Variants in QRFPR observed in about 807,000 individuals in gnomAD.
QRFPR encodes the protein pyroglutamylated RFamide peptide receptor, also known as pyroglutamylated RF-amide peptide receptor.
In QRFPR, 37 loss-of-function variants were observed where a neutral mutation model predicts 31.3. That is an observed-to-expected ratio of 1.18 (90% confidence interval 0.91 to 1.56). The LOEUF is 1.56. Among genes scored for constraint, QRFPR ranks in the 40% most tolerant of loss-of-function variants. The pLI is 0.00. For missense variants in QRFPR, 542 were observed against 532.5 expected, an observed-to-expected ratio of 1.02 and a Z score of -0.18; for synonymous variants, 197 against 192.0, an observed-to-expected ratio of 1.03 and a Z score of -0.22.
chr4:121,358,951 G>A (rs1044533533), intron 1 of QRFPR, among the ~76,000 whole-genome samples: 3 of 152,066 alleles, frequency 2.0e-5, no homozygotes, highest in Admixed American at 1.3e-4. Context: ...GCTTGTATGA[G>A]GGATAAATGA....
At chr4:121,373,264 T>A (rs928575978) in intron 1 of QRFPR, among the ~76,000 whole-genome samples, 15 of 152,230 alleles carry the variant, frequency 9.9e-5, no homozygotes, top group Admixed American at 9.8e-4. Flanking sequence ...AAACTGTTCT[T>A]GTCCTAAGTA....
In QRFPR at chr4:121,365,565, T is replaced by TATTA. The variant is rs1424163522; in HGVS notation, c.340+14742_340+14743insTAAT. 6.6e-4 allele frequency among the ~76,000 whole-genome samples: 11 copies of TATTA among 16,672 alleles called. No homozygotes were observed. The East Asian group carries it at 9.2e-3, about 14-fold the overall frequency. The allele number at this position is 16,672 out of a possible 152,430, so 10.9% of individuals were successfully genotyped here. On this transcript the variant is annotated intron_variant, in intron 1 of 5. Coordinates refer to ENST00000394427, the MANE Select transcript of QRFPR (RefSeq NM_198179.3). ...TATTATATATAATATATAATATATATTATATATAATATATATTATATATAT... is the reference window on the plus strand; with the variant it reads ...TATTATATATAATATATAATATATATATTATATATATAATATATATTATATATAT...
chr4:121,358,018 C>T (rs1039870187), intron 1 of QRFPR, among the ~76,000 whole-genome samples: 1 of 152,142 alleles, frequency 6.6e-6, no homozygotes, highest in African/African-American at 2.4e-5. Context: ...ACCTCCTCTT[C>T]CTAGAAGGAG....
chr4:121,336,448 G>A (rs1366415073), intron 3 of QRFPR, among the ~76,000 whole-genome samples: 1 of 152,042 alleles, frequency 6.6e-6, no homozygotes, highest in East Asian at 1.9e-4. Flanking sequence ...TTTTTTTTAC[G>A]TGACTTAAAA....
chr4:121,379,277 C>T (rs749276961), intron 1 of QRFPR, among the ~76,000 whole-genome samples: 2 of 152,190 alleles, frequency 1.3e-5, no homozygotes, highest in Non-Finnish European at 1.5e-5. Context: ...GCAATGCTCA[C>T]GATCTCAAAT....
chr4:121,355,182 A>T (rs1324198113), intron 1 of QRFPR, among the ~76,000 whole-genome samples: 1 of 152,096 alleles, frequency 6.6e-6, no homozygotes, highest in African/African-American at 2.4e-5. Flanking sequence ...AGAATTCAGC[A>T]GTAAAGCCAT....
At chr4:121,352,854 C>A (rs1463381212) in intron 1 of QRFPR, among the ~76,000 whole-genome samples, 1 of 151,982 alleles carries the variant, frequency 6.6e-6, no homozygotes, top group African/African-American at 2.4e-5. Context: ...CTTTAACCAT[C>A]CCCTCTTCAC....
intron 1 of QRFPR, chr4:121,369,629 G>A: frequency 6.2e-7 from 1 of 1,607,652 alleles, no homozygotes; most frequent in Non-Finnish European, 8.5e-7. Flanking sequence ...GGCCTGGGTG[G>A]CAAAACTTCC....
intron 1 of QRFPR, among the ~76,000 whole-genome samples, chr4:121,372,315 T>A (rs934027266): frequency 7.2e-5 from 11 of 152,190 alleles, no homozygotes; most frequent in African/African-American, 2.4e-4. Context: ...AAGGCCAAAC[T>A]GGCTAGAATC....
rs949259827 is a variant in QRFPR at position 121,336,720 on chromosome 4, T to C, written c.561+87A>G. The C allele has an allele frequency of 6.6e-6, 7 of 1,053,358 alleles. No individual in the cohort carries two copies. The African/African-American group carries it at 1.1e-4, about 16-fold the overall frequency. The allele number at this position is 1,053,358 out of a possible 1,614,324, so 65.3% of individuals were successfully genotyped here. A position where few individuals can be genotyped will look rare whatever the true frequency, so the allele number is the denominator to read the frequency against. ...CTGAGGTCATACAAATTTGCTGTATTGCTCCTGCAGGAAGGAAAATAATTA... is the reference window on the plus strand; with the variant it reads ...CTGAGGTCATACAAATTTGCTGTATCGCTCCTGCAGGAAGGAAAATAATTA... On this transcript the variant is annotated intron_variant, in intron 3 of 5. Coordinates refer to ENST00000394427, the MANE Select transcript of QRFPR (RefSeq NM_198179.3).
chr4:121,371,648 C>A (rs1726249043), intron 1 of QRFPR, among the ~76,000 whole-genome samples: 1 of 152,184 alleles, frequency 6.6e-6, no homozygotes, highest in Non-Finnish European at 1.5e-5. Context: ...CAGGGCTTGG[C>A]CTTATGGGAA....
chr4:121,380,772 CGCGCG>C lies in QRFPR; in HGVS notation c.-130_-126del. 1 of 864,034 alleles carries C rather than the reference CGCGCG, an allele frequency of 1.2e-6. No homozygotes were observed. Among genetic ancestry groups the C allele is most frequent in the East Asian group, 2.7e-5 (1 of 37,314 alleles). The allele number at this position is 864,034 out of a possible 1,614,324, so 53.5% of individuals were successfully genotyped here. A position where few individuals can be genotyped will look rare whatever the true frequency, so the allele number is the denominator to read the frequency against. Reference sequence around the variant, plus strand: ...TCCCTTCCTCTACTCTGGAGTCAGCCGCGCGGGAGGGCTCTAGGCTGCACCCCGGG... The same window carrying C: ...TCCCTTCCTCTACTCTGGAGTCAGCCGGAGGGCTCTAGGCTGCACCCCGGG... On this transcript the variant is annotated 5_prime_UTR_variant, in exon 1 of 6. Coordinates refer to ENST00000394427, the MANE Select transcript of QRFPR (RefSeq NM_198179.3).
At chr4:121,365,524 T>TATATAATATA (rs1726083949) in intron 1 of QRFPR, among the ~76,000 whole-genome samples, 1 of 6,632 alleles carries the variant, frequency 1.5e-4, no homozygotes, top group African/African-American at 1.0e-3. Flanking sequence ...ATATTATATA[T>TATATAATATA]ATTATATATA....
At chr4:121,364,197 T>A (rs116766621) in intron 1 of QRFPR, among the ~76,000 whole-genome samples, 1 of 149,686 alleles carries the variant, frequency 6.7e-6, no homozygotes, top group African/African-American at 2.5e-5. Context: ...CAGGGTGGCC[T>A]GGAAAAACAC....
At chr4:121,336,353 C>T (rs1408571341) in intron 3 of QRFPR, among the ~76,000 whole-genome samples, 1 of 152,068 alleles carries the variant, frequency 6.6e-6, no homozygotes, top group Admixed American at 6.6e-5. Context: ...TGATATGTTT[C>T]CAGTTAGAAT....
At chr4:121,378,429 T>TTTG (rs1726399773) in intron 1 of QRFPR, among the ~76,000 whole-genome samples, 3 of 148,566 alleles carry the variant, frequency 2.0e-5, no homozygotes, top group Non-Finnish European at 4.5e-5. Context: ...TTTTTTTTTT[T>TTTG]TGAGACGGAG....
At chr4:121,353,253 G>C (rs896790554) in intron 1 of QRFPR, among the ~76,000 whole-genome samples, 37 of 151,942 alleles carry the variant, frequency 2.4e-4, no homozygotes, top group African/African-American at 8.7e-4. Flanking sequence ...CTGCTGGATT[G>C]TATGGTAGTT....
At chr4:121,332,752 T>C in intron 4 of QRFPR, 69 bp downstream of exon 4, 1 of 1,234,518 alleles carries the variant, frequency 8.1e-7, no homozygotes. Flanking sequence ...CTGAGAGCCC[T>C]GGCAACCATC....
rs1726075108 is a variant in QRFPR, at chr4:121,365,488, A to T, written c.340+14820T>A. Among the ~76,000 whole-genome samples, 2 of 36,504 alleles carry T rather than the reference A, an allele frequency of 5.5e-5. 1 individual carries two copies. The highest frequency in any genetic ancestry group is 2.2e-4 in the African/African-American group (2 of 8,910). 23.9% of individuals were successfully genotyped at this position (36,504 alleles called of 152,430 possible). A position where few individuals can be genotyped will look rare whatever the true frequency, so the allele number is the denominator to read the frequency against. ...AATAAATAAATTAATTAATTAATTA[A>T]ATTATATATATAATATATATAATAT... On this transcript the variant is annotated intron_variant, in intron 1 of 5. Coordinates refer to ENST00000394427, the MANE Select transcript of QRFPR (RefSeq NM_198179.3).
Sources: gnomAD v4.1 joint callset for allele counts (sites outside exome capture counted in the v4.1 genomes callset) on GRCh38, gnomAD v4.1.1 for gene constraint, MANE v1.5 for transcripts, NCBI Gene and HGNC (gene_info 2026-07-23, HGNC 2026-07-21) for gene names.